Variants in EPB41L4B observed in about 807,000 individuals in gnomAD.
The protein encoded by EPB41L4B is erythrocyte membrane protein band 4.1 like 4B.
Under a neutral mutation model 112.5 loss-of-function variants are expected in EPB41L4B, and 30 were observed. The ratio of observed to expected loss-of-function variants is 0.27; its 90% CI spans 0.20 to 0.36. The LOEUF (loss-of-function observed/expected upper bound fraction) is 0.36. Ranked by LOEUF, EPB41L4B falls within the 10% of genes least tolerant of loss-of-function variation. EPB41L4B has a pLI of 1.00. For synonymous variants in EPB41L4B, 408 were observed against 439.7 expected, an observed-to-expected ratio of 0.93 and a Z score of 0.90; for missense variants, 1,024 against 1,133.3, an observed-to-expected ratio of 0.90 and a Z score of 1.38.
At chr9:109,305,839 G>A (rs145225443) in intron 1 of EPB41L4B, among the ~76,000 whole-genome samples, 1 of 152,098 alleles carries the variant, frequency 6.6e-6, no homozygotes, top group African/African-American at 2.4e-5. Flanking sequence ...CAGCAGAATC[G>A]CTTGAATGCG....
chr9:109,208,334 A>G (rs1045581097), intron 17 of EPB41L4B, among the ~76,000 whole-genome samples: 1 of 152,246 alleles, frequency 6.6e-6, no homozygotes, highest in Non-Finnish European at 1.5e-5. Context: ...CCAGTGGCAG[A>G]AGAGGACATC....
chr9:109,250,408 T>C (rs376557032), intron 13 of EPB41L4B, among the ~76,000 whole-genome samples: 1 of 152,152 alleles, frequency 6.6e-6, no homozygotes, highest in East Asian at 1.9e-4. Flanking sequence ...GCTGTGCCCA[T>C]CTCAAAGACC....
chr9:109,266,972 A>C (rs955943548), intron 4 of EPB41L4B, among the ~76,000 whole-genome samples: 1 of 71,482 alleles, frequency 1.4e-5, no homozygotes, highest in East Asian at 2.6e-4. Context: ...TTGTTTCAAA[A>C]AAAAAAAAAA....
intron 1 of EPB41L4B, among the ~76,000 whole-genome samples, chr9:109,286,693 G>A (rs1836297781): frequency 1.3e-5 from 2 of 152,136 alleles, no homozygotes; most frequent in South Asian, 2.1e-4. Flanking sequence ...CTCACTATGG[G>A]AAGCCCTATA....
intron 17 of EPB41L4B, among the ~76,000 whole-genome samples, chr9:109,210,888 A>G (rs1335028468): frequency 6.6e-6 from 1 of 152,242 alleles, no homozygotes; most frequent in Admixed American, 6.5e-5. Flanking sequence ...ATGGGATTAC[A>G]GATTTCAAAA....
chr9:109,253,928 C>A (rs7019626), intron 11 of EPB41L4B, among the ~76,000 whole-genome samples: 3 of 152,298 alleles, frequency 2.0e-5, no homozygotes, highest in Middle Eastern at 3.4e-3. Flanking sequence ...TTATCAATAC[C>A]CACTTAACTA....
intron 23 of EPB41L4B, among the ~76,000 whole-genome samples, 197 bp downstream of exon 23, chr9:109,185,292 C>T (rs1832212922): frequency 6.6e-6 from 1 of 152,218 alleles, no homozygotes; most frequent in Non-Finnish European, 1.5e-5. Flanking sequence ...GAAGTGGGCT[C>T]CATAGCTGCA....
At chr9:109,276,143 A>G (rs1359783652) in intron 2 of EPB41L4B, among the ~76,000 whole-genome samples, 1 of 147,200 alleles carries the variant, frequency 6.8e-6, no homozygotes, top group African/African-American at 2.5e-5. Context: ...CATAATATAT[A>G]CGTGTGTGTA....
rs1015985143 is a variant in EPB41L4B at position 109,303,460 on chromosome 9, C to T, written c.306+16681G>A. ...TCCCAGACTCAAGCAATCCTCCCAC[C>T]TCAGCCTCCCAAGTAGCTGGGATTA... On this transcript the variant is annotated intron_variant, in intron 1 of 25. Transcript: ENST00000374566. Among the ~76,000 whole-genome samples, 4 of 152,246 alleles carry T rather than the reference C, an allele frequency of 2.6e-5. No individual in the cohort carries two copies. The South Asian group carries it at 8.3e-4, about 32-fold the overall frequency.
chr9:109,312,696 A>C (rs1837462729), intron 1 of EPB41L4B, among the ~76,000 whole-genome samples: 1 of 152,174 alleles, frequency 6.6e-6, no homozygotes, highest in African/African-American at 2.4e-5. Flanking sequence ...AGGATTCAAC[A>C]AGATAATCAC....
At chr9:109,247,920 ATG>A (rs1347436863) in intron 13 of EPB41L4B, 131 bp from the exon 14 acceptor site, 1 of 621,220 alleles carries the variant, frequency 1.6e-6, no homozygotes, top group African/African-American at 1.9e-5. Flanking sequence ...CTTCCACATA[ATG>A]ACTTTTTTTT....
In EPB41L4B at chr9:109,288,628, C is replaced by A. The variant is rs971813693; in HGVS notation, c.307-8707G>T. ...GTCCCAGCTACTCGGGAGGCTGAGG[C>A]AGGAGAATGGAGTGAACCCAAAAGG... On this transcript the variant is annotated intron_variant, in intron 1 of 25. Transcript: ENST00000374566. Among the ~76,000 whole-genome samples, 11 of 141,858 alleles carry A rather than the reference C, an allele frequency of 7.8e-5. No homozygotes were observed. In the Admixed American group the frequency reaches 8.3e-4, roughly 11 times the overall value. 93.1% of individuals were successfully genotyped at this position (141,858 alleles called of 152,430 possible).
chr9:109,281,722 A>AAATT (rs66525536), intron 1 of EPB41L4B, among the ~76,000 whole-genome samples: 96 of 125,546 alleles, frequency 7.6e-4, no homozygotes, highest in African/African-American at 1.4e-3. Flanking sequence ...ATAAATAAAT[A>AAATT]AATTAATTAA....
At chr9:109,235,774 T>G (rs562545072) in intron 15 of EPB41L4B, among the ~76,000 whole-genome samples, 1 of 152,228 alleles carries the variant, frequency 6.6e-6, no homozygotes, top group Non-Finnish European at 1.5e-5. Context: ...TAAAAATTCT[T>G]ACCATCTAGC....
intron 24 of EPB41L4B, among the ~76,000 whole-genome samples, chr9:109,179,267 T>C (rs1160017728): frequency 1.3e-5 from 2 of 152,228 alleles, no homozygotes; most frequent in Non-Finnish European, 2.9e-5. Context: ...CCATCAATGC[T>C]AGATCGACTG....
At chr9:109,311,467 A>G (rs1837410909) in intron 1 of EPB41L4B, among the ~76,000 whole-genome samples, 1 of 152,028 alleles carries the variant, frequency 6.6e-6, no homozygotes, top group Non-Finnish European at 1.5e-5. Context: ...ACCCGGGGGG[A>G]CTGAGCTGGG....
chr9:109,289,826 C>G (rs1681996963), intron 1 of EPB41L4B, among the ~76,000 whole-genome samples: 1 of 152,166 alleles, frequency 6.6e-6, no homozygotes, highest in Non-Finnish European at 1.5e-5. Context: ...GTTTCTAACC[C>G]CAAGTGCAGG....
intron 15 of EPB41L4B, among the ~76,000 whole-genome samples, chr9:109,226,469 A>G (rs1251391258): frequency 2.0e-5 from 3 of 151,838 alleles, no homozygotes; most frequent in African/African-American, 4.8e-5. Flanking sequence ...TCACTGTCCA[A>G]TTAAGTTTCT....
intron 19 of EPB41L4B, among the ~76,000 whole-genome samples, chr9:109,201,897 G>C (rs1832846665): frequency 1.8e-5 from 1 of 54,570 alleles, no homozygotes; most frequent in African/African-American, 9.0e-5. Context: ...GGCATAGTCA[G>C]ATTTACATTA....
Sources: gnomAD v4.1 joint callset for allele counts (sites outside exome capture counted in the v4.1 genomes callset) on GRCh38, gnomAD v4.1.1 for gene constraint, MANE v1.5 for transcripts, NCBI Gene and HGNC (gene_info 2026-07-23, HGNC 2026-07-21) for gene names.